The following HCFC2 variants were observed in gnomAD, a reference collection of about 807,000 sequenced individuals.
HCFC2 encodes the protein host cell factor 2.
In HCFC2, 18 loss-of-function variants were observed where a neutral mutation model predicts 89.2. The observed-to-expected ratio is 0.20, with a 90% CI of 0.14 to 0.30. HCFC2 has a LOEUF of 0.30. Among genes scored for constraint, HCFC2 ranks in the 10% least tolerant of loss-of-function variants. The pLI is 1.00. For missense variants in HCFC2, 578 were observed against 956.1 expected (o/e 0.60, Z 5.21); for synonymous variants, 308 against 335.7 (o/e 0.92, Z 0.90).
At chr12:104,096,210 T>C (rs1884171598) in intron 11 of HCFC2, 150 bp from the exon 12 acceptor site, 1 of 478,568 alleles carries the variant, frequency 2.1e-6, no homozygotes, top group Admixed American at 3.5e-5. Context: ...GGCTGTTTTT[T>C]ATTGTGATAA....
rs559366550 is a variant in HCFC2, at chr12:104,078,614, A to G, written c.474-831A>G. Reference sequence around the variant, plus strand: ...CATTTTTAGTATGCCTCATTTATCCATATGTGTTTATCCATAGACAGAGGT... The same window carrying G: ...CATTTTTAGTATGCCTCATTTATCCGTATGTGTTTATCCATAGACAGAGGT... On this transcript the variant is annotated intron_variant, in intron 3 of 14. Coordinates refer to ENST00000229330, the MANE Select transcript of HCFC2 (RefSeq NM_013320.3). Among the ~76,000 whole-genome samples the G allele has an allele frequency of 7.9e-4, 121 of 152,290 alleles. 1 individual carries two copies. The highest frequency in any genetic ancestry group is 2.8e-3 in the African/African-American group (117 of 41,562).
chr12:104,073,406 G>A (rs553691198), intron 3 of HCFC2, among the ~76,000 whole-genome samples: 7 of 151,374 alleles, frequency 4.6e-5, no homozygotes, highest in African/African-American at 2.4e-5. Flanking sequence ...CTCATGATCC[G>A]CCCGCCTCAG....
intron 14 of HCFC2, among the ~76,000 whole-genome samples, chr12:104,102,482 T>G (rs1381904285): frequency 6.6e-6 from 1 of 152,174 alleles, no homozygotes; most frequent in Non-Finnish European, 1.5e-5. Context: ...CCCTCCACTC[T>G]CTGATAGGCC....
Position 104,096,449 on chromosome 12 carries a change from G to A in HCFC2, c.1740+16G>A, listed in dbSNP as rs761227592. 13 of 1,568,396 alleles carry A rather than the reference G, an allele frequency of 8.3e-6. No homozygotes were observed. The South Asian group carries it at 1.5e-4, about 18-fold the overall frequency. ...GCCGTTTTCTGTAAGTACATGACCT[G>A]GTGATGATGCATGTTTACACATGAT... is the stretch of plus-strand genomic sequence containing the variant. On this transcript the variant is annotated intron_variant, in intron 12 of 14. Coordinates refer to ENST00000229330, the MANE Select transcript of HCFC2 (RefSeq NM_013320.3).
At chr12:104,102,293 A>G (rs1385049467) in intron 14 of HCFC2, 140 bp downstream of exon 14, 1 of 780,312 alleles carries the variant, frequency 1.3e-6, no homozygotes, top group African/African-American at 1.8e-5. Flanking sequence ...AAGTTTAAAA[A>G]ATAATTTTAG....
At chr12:104,092,609 C>T (rs1884054035) in intron 9 of HCFC2, among the ~76,000 whole-genome samples, 2 of 152,104 alleles carry the variant, frequency 1.3e-5, no homozygotes, top group East Asian at 1.9e-4. Context: ...CCTGTCTCTA[C>T]TAAAAATATA....
chr12:104,093,284 G>A (rs1884077699), intron 9 of HCFC2, 102 bp from the exon 10 acceptor site: 2 of 709,312 alleles, frequency 2.8e-6, no homozygotes, highest in African/African-American at 3.7e-5. Context: ...TTTCTATTTT[G>A]ATAAAAAGTA....
chr12:104,105,074 A>G lies in HCFC2; in HGVS notation c.*1801A>G, dbSNP rs755504923. ...TTATTATGTTTGTAATCATTTGTCT[A>G]GCTTCTGTAATGTATCTGATATAGG... On this transcript the variant is annotated 3_prime_UTR_variant, in exon 15 of 15. Coordinates refer to ENST00000229330, the MANE Select transcript of HCFC2 (RefSeq NM_013320.3). 2.6e-5 allele frequency: 4 copies of G among 152,122 alleles called. No homozygotes were observed. Among genetic ancestry groups the G allele is most frequent in the South Asian group, 2.1e-4 (1 of 4,826 alleles). 9.4% of individuals were successfully genotyped at this position (152,122 alleles called of 1,614,324 possible). A position where few individuals can be genotyped will look rare whatever the true frequency, so the allele number is the denominator to read the frequency against.
intron 3 of HCFC2, among the ~76,000 whole-genome samples, chr12:104,078,689 A>G (rs1883588557): frequency 6.6e-6 from 1 of 152,196 alleles, no homozygotes; most frequent in Admixed American, 6.5e-5. Context: ...TGTTCTGGTT[A>G]TCTAGTGCCA....
chr12:104,069,646 T>C (rs530634874), intron 3 of HCFC2, among the ~76,000 whole-genome samples: 1 of 152,264 alleles, frequency 6.6e-6, no homozygotes, highest in African/African-American at 2.4e-5. Context: ...GTAGTATATT[T>C]TTTTCTTTCT....
intron 12 of HCFC2, 100 bp from the exon 13 acceptor site, chr12:104,098,243 C>T: frequency 1.2e-5 from 10 of 862,168 alleles, no homozygotes; most frequent in Admixed American, 2.9e-5. Context: ...GGTGTTTATC[C>T]AAATACCTAC....
In HCFC2 at chr12:104,099,781, T is replaced by C. The variant is rs1203933267; in HGVS notation, c.1878+1301T>C. 2.0e-5 allele frequency among the ~76,000 whole-genome samples: 3 copies of C among 152,148 alleles called. No homozygotes were observed. The East Asian group carries it at 5.8e-4, about 29-fold the overall frequency. ...CCTGGGCTTAAGTTATCCTCACACC[T>C]TGGCTTCCTGAGTAGCTAGGACTAC... is the stretch of plus-strand genomic sequence containing the variant. On this transcript the variant is annotated intron_variant, in intron 13 of 14. Coordinates refer to ENST00000229330, the MANE Select transcript of HCFC2 (RefSeq NM_013320.3).
intron 3 of HCFC2, among the ~76,000 whole-genome samples, chr12:104,070,808 T>C (rs1359630730): frequency 6.8e-6 from 1 of 147,644 alleles, no homozygotes; most frequent in South Asian, 2.2e-4. Flanking sequence ...TTACTTTTTT[T>C]TTTTTTTTTT....
chr12:104,089,105 G>A (rs1883950831), intron 9 of HCFC2, among the ~76,000 whole-genome samples: 1 of 152,150 alleles, frequency 6.6e-6, no homozygotes, highest in South Asian at 2.1e-4. Flanking sequence ...TGCAAATGCG[G>A]AAACTCGACC....
intron 3 of HCFC2, among the ~76,000 whole-genome samples, chr12:104,069,305 T>TA (rs1883247868): frequency 6.6e-6 from 1 of 151,976 alleles, no homozygotes; most frequent in South Asian, 2.1e-4. Context: ...GACCTTATCT[T>TA]AAAAAAACAA....
At chr12:104,090,018 C>G (rs1365021947) in intron 9 of HCFC2, among the ~76,000 whole-genome samples, 1 of 152,170 alleles carries the variant, frequency 6.6e-6, no homozygotes, top group Non-Finnish European at 1.5e-5. Flanking sequence ...ACTAACTTCT[C>G]TCTGTTTCAT....
chr12:104,093,982 C>A (rs1314737802), intron 10 of HCFC2, among the ~76,000 whole-genome samples: 1 of 152,030 alleles, frequency 6.6e-6, no homozygotes, highest in Non-Finnish European at 1.5e-5. Flanking sequence ...TAGAAGGTTT[C>A]ATCTATTAGA....
chr12:104,085,754 A>G (rs1012360873), intron 7 of HCFC2, among the ~76,000 whole-genome samples: 4 of 150,394 alleles, frequency 2.7e-5, no homozygotes, highest in African/African-American at 9.8e-5. Flanking sequence ...GATAGCATGT[A>G]AAAGAGTAAT....
At chr12:104,093,131 T>C (rs1884072027) in intron 9 of HCFC2, among the ~76,000 whole-genome samples, 1 of 152,216 alleles carries the variant, frequency 6.6e-6, no homozygotes, top group African/African-American at 2.4e-5. Context: ...TGTAGTTTTT[T>C]TTCCTCAAAA....
Sources: gnomAD v4.1 joint callset for allele counts (sites outside exome capture counted in the v4.1 genomes callset) on GRCh38, gnomAD v4.1.1 for gene constraint, MANE v1.5 for transcripts, NCBI Gene and HGNC (gene_info 2026-07-23, HGNC 2026-07-21) for gene names.